The following KLHL6 variants were observed in gnomAD, a reference collection of about 807,000 sequenced individuals.
The protein encoded by KLHL6 is kelch like family member 6, also known as kelch-like protein 6.
Under a neutral mutation model 58.6 loss-of-function variants are expected in KLHL6, and 41 were observed. That is an observed-to-expected ratio of 0.70 (90% confidence interval 0.55 to 0.91). KLHL6 has a LOEUF of 0.91. Among genes scored for constraint, KLHL6 ranks in the 40% least tolerant of loss-of-function variants. The pLI is 0.00. For missense variants in KLHL6, 714 were observed against 805.6 expected, an observed-to-expected ratio of 0.89 and a Z score of 1.38; for synonymous variants, 338 against 322.7, an observed-to-expected ratio of 1.05 and a Z score of -0.51.
chr3:183,518,083 C>T (rs1011503305), intron 2 of KLHL6, among the ~76,000 whole-genome samples: 4 of 152,202 alleles, frequency 2.6e-5, no homozygotes, highest in African/African-American at 9.7e-5. Context: ...AATTCAATGT[C>T]CCCTCCTTTC....
chr3:183,509,569 T>A (rs1332619405), intron 2 of KLHL6, among the ~76,000 whole-genome samples: 2 of 152,152 alleles, frequency 1.3e-5, no homozygotes, highest in African/African-American at 4.8e-5. Flanking sequence ...CAATAAATGT[T>A]CCTCTTACCC....
At chr3:183,522,879 G>A (rs62287219) in intron 2 of KLHL6, 67,709 of 152,092 alleles carry the variant, frequency 0.45, 17,273 homozygotes, top group Non-Finnish European at 0.58. Flanking sequence ...GCAGTGGTGC[G>A]ATCTCGGCTC....
Position 183,527,412 on chromosome 3 carries a change from C to T in KLHL6, c.459+433G>A, listed in dbSNP as rs569599386. Among the ~76,000 whole-genome samples, 5 of 152,180 alleles carry T rather than the reference C, an allele frequency of 3.3e-5. No individual in the cohort carries two copies. In the East Asian group the frequency reaches 7.7e-4, roughly 23 times the overall value. On this transcript the variant is annotated intron_variant, in intron 2 of 6. Transcript: ENST00000341319. Reference sequence around the variant, plus strand: ...AGTTTTTATAGCTCTTTTGAAAAGCCACCCAAAACTGAAAGGAGAACAGAA... The same window carrying T: ...AGTTTTTATAGCTCTTTTGAAAAGCTACCCAAAACTGAAAGGAGAACAGAA...
Position 183,492,398 on chromosome 3 carries a change from C to A in KLHL6, c.1564+96G>T. On this transcript the variant is annotated intron_variant, in intron 6 of 6. Coordinates refer to ENST00000341319, the MANE Select transcript of KLHL6 (RefSeq NM_130446.4). This position sits in a 1 kb window ranked among gnomAD's most constrained non-coding sequence, Gnocchi z 5.9. ...AGTGGGTCCTAGGGGCAGTGAGTTGCCAGCGCTGGAGACACCGCGACACAC... is the reference window on the plus strand; with the variant it reads ...AGTGGGTCCTAGGGGCAGTGAGTTGACAGCGCTGGAGACACCGCGACACAC... The A allele has an allele frequency of 7.1e-7, 1 of 1,404,626 alleles. No individual in the cohort carries two copies. The allele number at this position is 1,404,626 out of a possible 1,614,324, so 87.0% of individuals were successfully genotyped here. A position where few individuals can be genotyped will look rare whatever the true frequency, so the allele number is the denominator to read the frequency against.
In KLHL6 at chr3:183,492,471, A is replaced by G. The variant is rs375641473; in HGVS notation, c.1564+23T>C. The G allele has an allele frequency of 6.2e-7, 1 of 1,612,678 alleles. No homozygotes were observed. The highest frequency in any genetic ancestry group is 1.3e-5 in the African/African-American group (1 of 74,996). The stretch of plus-strand genomic sequence containing the variant: ...GCTCATCAGGTTCTAAGCCATTCAG[A>G]CCAATAAGAAGCCATTACTCACCAA... On this transcript the variant is annotated intron_variant, in intron 6 of 6. Coordinates refer to ENST00000341319, the MANE Select transcript of KLHL6 (RefSeq NM_130446.4). The surrounding 1 kb of genome is among the most constrained non-coding windows in gnomAD (Gnocchi z 5.9).
chr3:183,554,255 G>A (rs988027780), intron 1 of KLHL6, among the ~76,000 whole-genome samples: 3 of 152,122 alleles, frequency 2.0e-5, no homozygotes, highest in Admixed American at 1.3e-4. Flanking sequence ...GTGCTCATGG[G>A]AAACACTCAA....
At position 183,524,108 on chromosome 3, in the gene KLHL6, TCTC is replaced by T. The variant is rs1178943116; in HGVS notation, c.459+3734_459+3736del. Among the ~76,000 whole-genome samples the T allele has an allele frequency of 2.0e-5, 3 of 152,144 alleles. No individual in the cohort carries two copies. The East Asian group carries it at 5.8e-4, about 29-fold the overall frequency. ...ATGAAAGTAACAAACATGGCAAACT[TCTC>T]AAACAACATGGCAGTGCCCTGATTG... On this transcript the variant is annotated intron_variant, in intron 2 of 6. Transcript: ENST00000341319.
chr3:183,492,445 C>T lies in KLHL6; in HGVS notation c.1564+49G>A, dbSNP rs772134950. 41 of 1,588,132 alleles carry T rather than the reference C, an allele frequency of 2.6e-5. No homozygotes were observed. The highest frequency in any genetic ancestry group is 3.3e-4 in the Middle Eastern group (2 of 6,012). On this transcript the variant is annotated intron_variant, in intron 6 of 6. Coordinates refer to ENST00000341319, the MANE Select transcript of KLHL6 (RefSeq NM_130446.4). The surrounding 1 kb of genome is among the most constrained non-coding windows in gnomAD (Gnocchi z 5.9). ...ACACCGTTTACGTGCTGCAGCCAGG[C>T]GCTCATCAGGTTCTAAGCCATTCAG...
intron 2 of KLHL6, among the ~76,000 whole-genome samples, chr3:183,525,863 A>C (rs1711946795): frequency 6.6e-6 from 1 of 152,228 alleles, no homozygotes; most frequent in Admixed American, 6.5e-5. Flanking sequence ...GTTAGAAAAA[A>C]TGGAAGCCTG....
At position 183,492,751 on chromosome 3, in the gene KLHL6, C is replaced by T. The variant is rs919129086; in HGVS notation, c.1351-44G>A. Reference sequence around the variant, plus strand: ...CAAGAAGAAGCTGTCAGTCATGCTGCCCAGATTGCTGCAGTAGCTCCCAGG... The same window carrying T: ...CAAGAAGAAGCTGTCAGTCATGCTGTCCAGATTGCTGCAGTAGCTCCCAGG... On this transcript the variant is annotated intron_variant, in intron 5 of 6. Transcript: ENST00000341319. This position sits in a 1 kb window ranked among gnomAD's most constrained non-coding sequence, Gnocchi z 5.9. The T allele has an allele frequency of 6.3e-7, 1 of 1,581,098 alleles. No individual in the cohort carries two copies. The highest frequency in any genetic ancestry group is 8.7e-7 in the Non-Finnish European group (1 of 1,154,232).
At chr3:183,554,725 A>G (rs1386966229) in intron 1 of KLHL6, among the ~76,000 whole-genome samples, 1 of 152,228 alleles carries the variant, frequency 6.6e-6, no homozygotes, top group African/African-American at 2.4e-5. Context: ...CACCAGTCAG[A>G]CCAAGGGGGA....
At chr3:183,500,354 G>T (rs1186846070) in intron 3 of KLHL6, among the ~76,000 whole-genome samples, 1 of 152,206 alleles carries the variant, frequency 6.6e-6, no homozygotes, top group Non-Finnish European at 1.5e-5. Context: ...ATCAGGGTGT[G>T]GCCAGGGAGG....
intron 2 of KLHL6, among the ~76,000 whole-genome samples, chr3:183,508,877 A>G (rs1340165094): frequency 1.3e-5 from 2 of 152,266 alleles, no homozygotes; most frequent in East Asian, 3.8e-4. Flanking sequence ...CACATGTTGT[A>G]GAAAATATTA....
chr3:183,534,131 T>TAAAAGTAAA (rs10663153), intron 1 of KLHL6, among the ~76,000 whole-genome samples: 150 of 28,300 alleles, frequency 5.3e-3, no homozygotes, highest in East Asian at 8.6e-3. Context: ...TAAAGTACTT[T>TAAAAGTAAA]GTACTTTTAA....
In KLHL6 at chr3:183,499,750, C is replaced by G. The variant is rs778343930; in HGVS notation, c.987G>C (p.Lys329Asn). 2 of 1,610,106 alleles carry G rather than the reference C, an allele frequency of 1.2e-6. No individual in the cohort carries two copies. ...EVFMIIGGCT[K>N]DERFVAEVTC... The stretch of plus-strand genomic sequence containing the variant: ...TCACCTCTGCCACAAACCGTTCATC[C>G]TTCGTGCAGCCGCCAATGATCATGA... The change falls in exon 4 of 7, where the codon AAG becomes AAC. Residue 329 changes from lysine (K) to asparagine (N), a missense_variant. By Grantham distance (94) the Lys-to-Asn change is moderately conservative. Coordinates refer to ENST00000341319, the MANE Select transcript of KLHL6 (RefSeq NM_130446.4). This position sits in a 1 kb window ranked among gnomAD's most constrained non-coding sequence, Gnocchi z 4.6.
chr3:183,492,749 T>C lies in KLHL6; in HGVS notation c.1351-42A>G. 9 of 1,583,600 alleles carry C rather than the reference T, an allele frequency of 5.7e-6. No individual in the cohort carries two copies. The highest frequency in any genetic ancestry group is 7.8e-6 in the Non-Finnish European group (9 of 1,156,154). On this transcript the variant is annotated intron_variant, in intron 5 of 6. Transcript: ENST00000341319. The surrounding 1 kb of genome is among the most constrained non-coding windows in gnomAD (Gnocchi z 5.9). ...CACAAGAAGAAGCTGTCAGTCATGCTGCCCAGATTGCTGCAGTAGCTCCCA... is the reference window on the plus strand; with the variant it reads ...CACAAGAAGAAGCTGTCAGTCATGCCGCCCAGATTGCTGCAGTAGCTCCCA...
Position 183,555,349 on chromosome 3 carries a change from A to C in KLHL6, c.293+12T>G. On this transcript the variant is annotated intron_variant, in intron 1 of 6. Coordinates refer to ENST00000341319, the MANE Select transcript of KLHL6 (RefSeq NM_130446.4). ...TTGCACCCAATTTGACTCTGGTCCTAGGCATGCTGACCTGAAATAGTTGCT... is the reference window on the plus strand; with the variant it reads ...TTGCACCCAATTTGACTCTGGTCCTCGGCATGCTGACCTGAAATAGTTGCT... 1 of 1,612,192 alleles carries C rather than the reference A, an allele frequency of 6.2e-7. No homozygotes were observed. The highest frequency in any genetic ancestry group is 8.5e-7 in the Non-Finnish European group (1 of 1,178,646).
intron 3 of KLHL6, among the ~76,000 whole-genome samples, chr3:183,500,576 G>A (rs2108667988): frequency 6.6e-6 from 1 of 152,360 alleles, no homozygotes; most frequent in African/African-American, 2.4e-5. Context: ...TCAGATGACT[G>A]TGAGCATTCA....
At chr3:183,555,327 C>G in intron 1 of KLHL6, 34 bp downstream of exon 1, 2 of 1,596,632 alleles carry the variant, frequency 1.3e-6, no homozygotes, top group Non-Finnish European at 1.7e-6. Context: ...TTGCAACTTG[C>G]ACCCAATTTG....
Sources: allele counts gnomAD v4.1 joint callset (sites outside exome capture counted in the v4.1 genomes callset), GRCh38; gene constraint gnomAD v4.1.1; non-coding constraint Gnocchi (gnomAD v3.1); transcripts MANE v1.5; gene names NCBI Gene and HGNC (gene_info 2026-07-23, HGNC 2026-07-21).